NFIA: variants seen among roughly 807,000 people sequenced by gnomAD.
NFIA encodes nuclear factor 1 A-type.
NFIA carries 8 observed loss-of-function variants against 62.8 expected under a neutral mutation model. That is an observed-to-expected ratio of 0.13 (90% CI 0.07 to 0.23). The LOEUF (loss-of-function observed/expected upper bound fraction) is 0.23. Among genes scored for constraint, NFIA ranks in the 10% least tolerant of loss-of-function variants. The pLI, the probability that NFIA is intolerant of heterozygous loss-of-function variation, is 1.00. For missense variants in NFIA, 410 were observed against 642.1 expected (o/e 0.64, Z 3.91); for synonymous variants, 235 against 238.1 (o/e 0.99, Z 0.12).
chr1:61,379,416 T>A (rs961314936), intron 6 of NFIA, among the ~76,000 whole-genome samples: 1 of 145,636 alleles, frequency 6.9e-6, no homozygotes, highest in Non-Finnish European at 1.5e-5. Flanking sequence ...TTTTTTTTTT[T>A]TTTTTTTTTT....
chr1:61,406,553 C>T lies in NFIA; in HGVS notation c.1255-9C>T, dbSNP rs374963406. On this transcript the variant is annotated splice_polypyrimidine_tract_variant and intron_variant, in intron 8 of 10. Transcript: ENST00000403491. The stretch of plus-strand genomic sequence containing the variant: ...GTACGTGTGTTTTCTGCCCCCCCCC[C>T]CCCCACAGCCCAATGGGAGCAGCCA... 8.3e-5 allele frequency: 110 copies of T among 1,319,384 alleles called. 12 individuals carry two copies. Among genetic ancestry groups the T allele is most frequent in the Admixed American group, 3.1e-4 (14 of 44,620 alleles). The allele number at this position is 1,319,384 out of a possible 1,614,324, so 81.7% of individuals were successfully genotyped here.
intron 2 of NFIA, among the ~76,000 whole-genome samples, chr1:61,143,044 C>G (rs1259922829): frequency 6.6e-6 from 1 of 152,164 alleles, no homozygotes; most frequent in Non-Finnish European, 1.5e-5. Context: ...TTACATAACT[C>G]TTGTTGATTC....
chr1:61,256,001 G>A (rs902516886), intron 2 of NFIA, among the ~76,000 whole-genome samples: 1 of 152,110 alleles, frequency 6.6e-6, no homozygotes, highest in Non-Finnish European at 1.5e-5. Context: ...CTAGCATATC[G>A]TTTAGTCCAG....
At chr1:61,121,722 A>C (rs1317390980) in intron 2 of NFIA, among the ~76,000 whole-genome samples, 1 of 152,166 alleles carries the variant, frequency 6.6e-6, no homozygotes, top group Non-Finnish European at 1.5e-5. Context: ...TTTTTAACCT[A>C]ACCTGTTAGG....
intron 6 of NFIA, among the ~76,000 whole-genome samples, chr1:61,380,674 T>TTTAAAAATTGAAA (rs1664370652): frequency 2.6e-5 from 4 of 152,184 alleles, no homozygotes; most frequent in Non-Finnish European, 4.4e-5. Flanking sequence ...ATGTGCTCAA[T>TTTAAAAATTGAAA]ACGAACTCTT....
intron 9 of NFIA, among the ~76,000 whole-genome samples, chr1:61,425,173 G>T (rs981357739): frequency 6.6e-6 from 1 of 152,166 alleles, no homozygotes; most frequent in African/African-American, 2.4e-5. Flanking sequence ...GATCTGTTTG[G>T]GTGGCTTAGC....
At chr1:61,307,697 G>A (rs562924293) in intron 3 of NFIA, among the ~76,000 whole-genome samples, 1 of 152,348 alleles carries the variant, frequency 6.6e-6, no homozygotes, top group Admixed American at 6.5e-5. Context: ...TGCTTCCCCA[G>A]CACAAGGAGG....
At position 61,183,673 on chromosome 1, in the gene NFIA, C is replaced by T. The variant is rs183514054; in HGVS notation, c.560-93847C>T. ...TTGGTTTTCTGTTGTGTCTGGCAGC[C>T]ACACAGGGCTGCTTGAACTTTAGCC... On this transcript the variant is annotated intron_variant, in intron 2 of 10. Transcript: ENST00000403491. 2.0e-4 allele frequency among the ~76,000 whole-genome samples: 30 copies of T among 152,296 alleles called. No homozygotes were observed. The East Asian group carries it at 5.4e-3, about 27-fold the overall frequency.
intron 6 of NFIA, among the ~76,000 whole-genome samples, chr1:61,368,567 G>A (rs1038330305): frequency 1.3e-5 from 2 of 152,160 alleles, no homozygotes; most frequent in African/African-American, 2.4e-5. Context: ...CAATAAAACA[G>A]CCTTGCCTTC....
At chr1:61,329,573 G>T (rs903417602) in intron 3 of NFIA, among the ~76,000 whole-genome samples, 9 of 151,550 alleles carry the variant, frequency 5.9e-5, no homozygotes, top group African/African-American at 2.2e-4. Flanking sequence ...AGTAGAGACG[G>T]GTTTCACTAT....
upstream of NFIA, chr1:61,082,557 A>C (rs541853325): frequency 1.7e-5 from 25 of 1,435,918 alleles, no homozygotes; most frequent in South Asian, 3.2e-4. Flanking sequence ...GGGAAACTCT[A>C]GGCGGGGTTA....
At chr1:61,245,765 A>G (rs550360251) in intron 2 of NFIA, among the ~76,000 whole-genome samples, 30 of 152,256 alleles carry the variant, frequency 2.0e-4, no homozygotes, top group African/African-American at 7.0e-4. Context: ...TTTTCATTTA[A>G]AATAGCAAAA....
At chr1:61,401,833 G>GT (rs762774612) in intron 7 of NFIA, among the ~76,000 whole-genome samples, 11 of 152,104 alleles carry the variant, frequency 7.2e-5, no homozygotes, top group Non-Finnish European at 1.5e-4. Flanking sequence ...CCGAGTACAA[G>GT]TTTTTTGCCA....
At chr1:61,442,113 A>C (rs1667612434) in intron 10 of NFIA, among the ~76,000 whole-genome samples, 1 of 152,134 alleles carries the variant, frequency 6.6e-6, no homozygotes, top group African/African-American at 2.4e-5. Flanking sequence ...GCTTTGAGTC[A>C]GAAGCAGGCA....
chr1:61,379,091 C>T lies in NFIA; in HGVS notation c.947-4146C>T, dbSNP rs4639797. 9.2e-3 allele frequency among the ~76,000 whole-genome samples: 1,403 copies of T among 152,290 alleles called. 23 individuals carry two copies. The highest frequency in any genetic ancestry group is 0.052 in the Admixed American group (799 of 15,304). ...TATAACATAACCTAATCAATATAAT[C>T]ACCTTTGCGGTATAATATAACCTAT... On this transcript the variant is annotated intron_variant, in intron 6 of 10. Transcript: ENST00000403491.
intron 6 of NFIA, among the ~76,000 whole-genome samples, chr1:61,363,905 T>A (rs1663441799): frequency 6.6e-6 from 1 of 151,630 alleles, no homozygotes; most frequent in African/African-American, 2.4e-5. Context: ...CATCATCCTA[T>A]AACTCACAAC....
chr1:61,351,764 G>A (rs975811889), intron 4 of NFIA, among the ~76,000 whole-genome samples: 17 of 152,262 alleles, frequency 1.1e-4, no homozygotes, highest in African/African-American at 3.6e-4. Flanking sequence ...TAATAAATAT[G>A]TTAGGCTTTG....
intron 4 of NFIA, among the ~76,000 whole-genome samples, chr1:61,342,933 A>G (rs1268445416): frequency 6.6e-6 from 1 of 152,354 alleles, no homozygotes; most frequent in East Asian, 1.9e-4. Context: ...ATATAAATAC[A>G]TATTCCATAG....
chr1:61,170,058 T>C (rs1330670056), intron 2 of NFIA, among the ~76,000 whole-genome samples: 1 of 152,178 alleles, frequency 6.6e-6, no homozygotes, highest in Non-Finnish European at 1.5e-5. Context: ...GCATGGTAAA[T>C]TAGCACAGGT....
Sources: gnomAD v4.1 joint callset for allele counts (sites outside exome capture counted in the v4.1 genomes callset) on GRCh38, gnomAD v4.1.1 for gene constraint, MANE v1.5 for transcripts, NCBI Gene and HGNC (gene_info 2026-07-23, HGNC 2026-07-21) for gene names.